ZC3H18: variants seen among roughly 807,000 people sequenced by gnomAD.
The protein encoded by ZC3H18 is zinc finger CCCH domain-containing protein 18.
ZC3H18 carries 8 observed loss-of-function variants against 106.1 expected under a neutral mutation model. The observed-to-expected ratio is 0.08, with a 90% CI of 0.04 to 0.14. ZC3H18 has a LOEUF of 0.14. Ranked by LOEUF, ZC3H18 falls within the 10% of genes least tolerant of loss-of-function variation. The pLI is 1.00. For synonymous variants in ZC3H18, 635 were observed against 522.1 expected, an observed-to-expected ratio of 1.22 and a Z score of -2.95; for missense variants, 1,318 against 1,278.4, an observed-to-expected ratio of 1.03 and a Z score of -0.47.
chr16:88,593,932 A>G (rs888065044), intron 3 of ZC3H18, among the ~76,000 whole-genome samples: 5 of 152,202 alleles, frequency 3.3e-5, no homozygotes, highest in African/African-American at 1.2e-4. Flanking sequence ...TTCAAGATAG[A>G]CCAATGGATT....
At chr16:88,586,417 G>A (rs991056654) in intron 2 of ZC3H18, among the ~76,000 whole-genome samples, 183 bp from the exon 3 acceptor site, 3 of 152,116 alleles carry the variant, frequency 2.0e-5, no homozygotes, top group Admixed American at 1.3e-4. Context: ...TAGAGCTGCC[G>A]GGCACGCTCT....
chr16:88,621,467 G>T (rs997935072), intron 8 of ZC3H18, among the ~76,000 whole-genome samples: 3 of 151,884 alleles, frequency 2.0e-5, no homozygotes, highest in African/African-American at 2.4e-5. Context: ...CTCGTGATTC[G>T]CCCGCCTCGG....
intron 8 of ZC3H18, among the ~76,000 whole-genome samples, chr16:88,615,159 A>G (rs4782384): frequency 0.43 from 7,071 of 16,498 alleles, 1,094 homozygotes; most frequent in East Asian, 0.58. Context: ...CACCTCCTCC[A>G]TTCCCTCTGC....
At chr16:88,617,123 C>T (rs533000766) in intron 8 of ZC3H18, among the ~76,000 whole-genome samples, 31 of 152,294 alleles carry the variant, frequency 2.0e-4, no homozygotes, top group Admixed American at 1.5e-3. Context: ...GCCCTCTGTC[C>T]ATGGGGGAGC....
At chr16:88,598,804 C>A (rs1904590836) in intron 5 of ZC3H18, 92 bp downstream of exon 5, 7 of 1,153,242 alleles carry the variant, frequency 6.1e-6, no homozygotes, top group South Asian at 4.3e-5. Context: ...CCAGAGAGAG[C>A]CCCAGAAATC....
At position 88,582,771 on chromosome 16, in the gene ZC3H18, A is replaced by C. The variant is rs1915212505; in HGVS notation, c.604-3829A>C. On this transcript the variant is annotated intron_variant, in intron 2 of 17. Transcript: ENST00000301011. ...CTCTGAGGCCTCAGAAGCTCTGAGAACTGAAACCTTTTCCTCACCTGGTGG... is the reference window on the plus strand; with the variant it reads ...CTCTGAGGCCTCAGAAGCTCTGAGACCTGAAACCTTTTCCTCACCTGGTGG... Among the ~76,000 whole-genome samples the C allele has an allele frequency of 2.0e-5, 3 of 152,150 alleles. No individual in the cohort carries two copies. The South Asian group carries it at 6.2e-4, about 32-fold the overall frequency.
At chr16:88,623,546 G>A (rs958017974) in intron 10 of ZC3H18, 8 of 673,858 alleles carry the variant, frequency 1.2e-5, no homozygotes, top group South Asian at 7.9e-5. Flanking sequence ...GTGTAGATGC[G>A]TGCTGTCACT....
intron 2 of ZC3H18, 57 bp downstream of exon 2, chr16:88,577,783 C>A: frequency 6.2e-7 from 1 of 1,610,452 alleles, no homozygotes; most frequent in Non-Finnish European, 8.5e-7. Flanking sequence ...CTGACATAGA[C>A]TGGTGCTGGA....
At chr16:88,623,405 A>G (rs2142811127) in intron 10 of ZC3H18, 61 bp downstream of exon 10, 1 of 1,590,338 alleles carries the variant, frequency 6.3e-7, no homozygotes, top group East Asian at 2.2e-5. Context: ...GCACCTGCGG[A>G]TGTGGCTTTA....
At position 88,611,444 on chromosome 16, in the gene ZC3H18, C is replaced by T. The variant is rs1473241500; in HGVS notation, c.1383C>T (p.Asp461=). 6.6e-6 allele frequency: 10 copies of T among 1,516,834 alleles called. No homozygotes were observed. The highest frequency in any genetic ancestry group is 7.2e-6 in the Non-Finnish European group (8 of 1,115,532). 94.0% of individuals were successfully genotyped at this position (1,516,834 alleles called of 1,614,324 possible). ...GGGAGCGTGAGCGAGCCAAGCGGGA[C>T]GAGAAGGACCGGCAGCACCGTGACC... is the stretch of plus-strand genomic sequence containing the variant. The part of the protein sequence containing the change: ...EEWERERAKR[D]EKDRQHRDRD... Residue 461 remains aspartate (D), a synonymous_variant, in exon 8 of 18, where the codon GAC becomes GAT. Transcript: ENST00000301011.
intron 11 of ZC3H18, 61 bp downstream of exon 11, chr16:88,624,123 T>TC: frequency 6.3e-7 from 1 of 1,583,064 alleles, no homozygotes; most frequent in South Asian, 1.1e-5. Context: ...TGCAGCCTCC[T>TC]CCCTCCGTCT....
At chr16:88,614,027 C>G (rs1419905868) in intron 8 of ZC3H18, among the ~76,000 whole-genome samples, 2 of 152,200 alleles carry the variant, frequency 1.3e-5, no homozygotes, top group African/African-American at 4.8e-5. Flanking sequence ...AAGGAGGGAT[C>G]AAGGCAGTTC....
chr16:88,571,835 A>G (rs1327088169), intron 1 of ZC3H18, among the ~76,000 whole-genome samples: 2 of 152,190 alleles, frequency 1.3e-5, no homozygotes, highest in African/African-American at 2.4e-5. Flanking sequence ...TCATTTAGAT[A>G]TTTTAAGTCC....
chr16:88,574,438 A>G (rs1470199389), intron 1 of ZC3H18, among the ~76,000 whole-genome samples: 3 of 151,594 alleles, frequency 2.0e-5, no homozygotes, highest in Non-Finnish European at 4.4e-5. Flanking sequence ...TGAACTCCTG[A>G]CTTCGGATGA....
At chr16:88,587,656 C>T in intron 3 of ZC3H18, 2 of 1,492,892 alleles carry the variant, frequency 1.3e-6, no homozygotes, top group Non-Finnish European at 1.8e-6. Context: ...ACCTTAAAGT[C>T]CCCCTACTCC....
intron 6 of ZC3H18, among the ~76,000 whole-genome samples, chr16:88,606,984 G>C (rs1401604899): frequency 1.3e-5 from 2 of 152,184 alleles, no homozygotes; most frequent in African/African-American, 2.4e-5. Context: ...GGGCGTCCAG[G>C]GACCTCCTAT....
intron 1 of ZC3H18, among the ~76,000 whole-genome samples, chr16:88,574,667 ATTTT>A (rs35816940): frequency 3.8e-5 from 3 of 79,858 alleles, no homozygotes; most frequent in South Asian, 4.3e-4. Context: ...CACCCAGCTA[ATTTT>A]TTTTTTTTTT....
At chr16:88,614,441 G>A (rs753217623) in intron 8 of ZC3H18, among the ~76,000 whole-genome samples, 12 of 152,238 alleles carry the variant, frequency 7.9e-5, no homozygotes, top group Non-Finnish European at 1.5e-4. Flanking sequence ...CTGAAAGTCA[G>A]CTCTCAGGCA....
At chr16:88,630,984 C>G in intron 17 of ZC3H18, 117 bp from the exon 18 acceptor site, 1 of 1,313,162 alleles carries the variant, frequency 7.6e-7, no homozygotes, top group East Asian at 2.3e-5. Flanking sequence ...CCAGGGAGCC[C>G]CTTGCCTGTC....
Sources: gnomAD v4.1 joint callset for allele counts (sites outside exome capture counted in the v4.1 genomes callset) on GRCh38, gnomAD v4.1.1 for gene constraint, MANE v1.5 for transcripts, NCBI Gene and HGNC (gene_info 2026-07-23, HGNC 2026-07-21) for gene names.